Variants in PIK3CA observed in about 807,000 individuals in gnomAD.
PIK3CA encodes the protein phosphatidylinositol 4,5-bisphosphate 3-kinase catalytic subunit alpha isoform.
A neutral mutation model predicts 138.2 loss-of-function variants in PIK3CA; 27 were observed. That is an observed-to-expected ratio of 0.20 (90% CI 0.14 to 0.27). The LOEUF (loss-of-function observed/expected upper bound fraction) is 0.27, where lower values mean the gene tolerates loss of function less well. Among genes scored for constraint, PIK3CA ranks in the 10% least tolerant of loss-of-function variants. PIK3CA has a pLI of 1.00. For synonymous variants in PIK3CA, 358 were observed against 413.2 expected (o/e 0.87, Z 1.62); for missense variants, 544 against 1,277.4 (o/e 0.43, Z 8.75).
intron 1 of PIK3CA, among the ~76,000 whole-genome samples, chr3:179,157,114 A>G (rs1723157339): frequency 6.6e-6 from 1 of 152,186 alleles, no homozygotes; most frequent in African/African-American, 2.4e-5. Context: ...GAAACCATAC[A>G]TGACAGCAGG....
At chr3:179,193,075 TG>T (rs1218929382) in intron 1 of PIK3CA, among the ~76,000 whole-genome samples, 4 of 152,256 alleles carry the variant, frequency 2.6e-5, no homozygotes, top group African/African-American at 9.6e-5. Flanking sequence ...TTACTTCTGC[TG>T]GGTAGTACTG....
chr3:179,239,892 A>G lies in PIK3CA; in HGVS notation c.*5528A>G. 1 of 673,898 alleles carries G rather than the reference A, an allele frequency of 1.5e-6. No homozygotes were observed. 41.7% of individuals were successfully genotyped at this position (673,898 alleles called of 1,614,324 possible). ...GAAAGCATTTGACACAGCAAGATGC[A>G]TGTGTTACTATATTGAGAATATAGA... On this transcript the variant is annotated 3_prime_UTR_variant, in exon 21 of 21. Transcript: ENST00000263967.
At chr3:179,231,105 G>C (rs1317134811) in intron 20 of PIK3CA, among the ~76,000 whole-genome samples, 1 of 152,106 alleles carries the variant, frequency 6.6e-6, no homozygotes, top group Non-Finnish European at 1.5e-5. Context: ...CTGGCCTCCA[G>C]CTCCATCCCA....
intron 1 of PIK3CA, among the ~76,000 whole-genome samples, chr3:179,194,215 A>G (rs1724206498): frequency 1.3e-5 from 2 of 152,150 alleles, no homozygotes; most frequent in South Asian, 4.1e-4. Flanking sequence ...AATACTTCAG[A>G]GAATTTATTT....
chr3:179,224,317 C>T (rs1725034030), intron 15 of PIK3CA, 130 bp downstream of exon 15: 3 of 545,924 alleles, frequency 5.5e-6, no homozygotes, highest in Non-Finnish European at 6.5e-6. Flanking sequence ...CATTCTCCTA[C>T]CCTCAAAATA....
At chr3:179,161,356 A>C (rs1723275708) in intron 1 of PIK3CA, among the ~76,000 whole-genome samples, 1 of 152,198 alleles carries the variant, frequency 6.6e-6, no homozygotes, top group African/African-American at 2.4e-5. Context: ...AATTTCCTTT[A>C]GCACATCCAT....
In PIK3CA at chr3:179,148,412, GCTGGGA is replaced by G. The variant is rs1348322996; in HGVS notation, c.-262_-257del. On this transcript the variant is annotated 5_prime_UTR_variant, in exon 1 of 21. Coordinates refer to ENST00000263967, the MANE Select transcript of PIK3CA (RefSeq NM_006218.4). ...GTGTCGGGCTGCTGCTGCCGCGGCC[GCTGGGA>G]CTGGGGCTGGGGCCGCCGGCGAGGC... The G allele has an allele frequency of 6.6e-6, 1 of 151,144 alleles. No homozygotes were observed. Among genetic ancestry groups the G allele is most frequent in the Middle Eastern group, 3.2e-3 (1 of 314 alleles). The allele number at this position is 151,144 out of a possible 1,614,324, so 9.4% of individuals were successfully genotyped here.
intron 1 of PIK3CA, among the ~76,000 whole-genome samples, chr3:179,161,435 G>A (rs1176451696): frequency 2.0e-5 from 3 of 152,172 alleles, no homozygotes; most frequent in Admixed American, 6.5e-5. Flanking sequence ...GGTGGCTCAC[G>A]CCTGTAATTC....
intron 18 of PIK3CA, among the ~76,000 whole-genome samples, chr3:179,229,733 C>A (rs1440373094): frequency 6.6e-6 from 1 of 151,902 alleles, no homozygotes; most frequent in Non-Finnish European, 1.5e-5. Context: ...ATTTCTAATT[C>A]ATTGTTAAAA....
intron 6 of PIK3CA, among the ~76,000 whole-genome samples, chr3:179,206,881 TGCAGTCCAGTCTAGGGG>T (rs1469274301): frequency 6.8e-6 from 1 of 146,932 alleles, no homozygotes; most frequent in Non-Finnish European, 1.5e-5. Context: ...ATCGTACTAC[TGCAGTCCAGTCTAGGGG>T]GCAGAGTGAG....
intron 9 of PIK3CA, among the ~76,000 whole-genome samples, chr3:179,216,460 C>A (rs1724838952): frequency 1.3e-5 from 2 of 151,936 alleles, no homozygotes; most frequent in South Asian, 4.1e-4. Flanking sequence ...TCTAAATGGA[C>A]AAATGCCGAA....
intron 1 of PIK3CA, among the ~76,000 whole-genome samples, chr3:179,178,221 T>C (rs1723750244): frequency 7.5e-6 from 1 of 132,964 alleles, no homozygotes; most frequent in Non-Finnish European, 1.5e-5. Context: ...GCCACTGCAC[T>C]CCAGCCTGGG....
intron 1 of PIK3CA, among the ~76,000 whole-genome samples, chr3:179,156,322 C>T (rs1723138996): frequency 6.6e-6 from 1 of 152,080 alleles, no homozygotes; most frequent in South Asian, 2.1e-4. Flanking sequence ...TAAATGACTG[C>T]CAGACATTGA....
intron 9 of PIK3CA, among the ~76,000 whole-genome samples, chr3:179,211,894 C>T (rs1436523200): frequency 6.6e-6 from 1 of 152,134 alleles, no homozygotes; most frequent in East Asian, 1.9e-4. Flanking sequence ...AACGTCATGA[C>T]GTTACAAGCA....
chr3:179,229,965 A>C (rs201394916), intron 18 of PIK3CA, 39 bp from the exon 19 acceptor site: 4 of 1,372,380 alleles, frequency 2.9e-6, no homozygotes, highest in Non-Finnish European at 3.1e-6. Context: ...CTGAATCACT[A>C]TATTTCCATA....
At chr3:179,227,665 G>A (rs1725114748) in intron 17 of PIK3CA, among the ~76,000 whole-genome samples, 2 of 152,018 alleles carry the variant, frequency 1.3e-5, no homozygotes, top group Admixed American at 1.3e-4. Flanking sequence ...ATGAAAATAA[G>A]TATTGACCGT....
At chr3:179,180,214 G>T (rs958439156) in intron 1 of PIK3CA, among the ~76,000 whole-genome samples, 3 of 152,096 alleles carry the variant, frequency 2.0e-5, no homozygotes, top group Admixed American at 6.5e-5. Context: ...TGGATACTTT[G>T]TGCTTTCAGG....
chr3:179,174,192 C>T (rs1316940685), intron 1 of PIK3CA, among the ~76,000 whole-genome samples: 2 of 151,872 alleles, frequency 1.3e-5, no homozygotes, highest in Admixed American at 6.6e-5. Context: ...AACATCAGGC[C>T]GAGCATGGTG....
intron 1 of PIK3CA, among the ~76,000 whole-genome samples, chr3:179,156,696 T>C (rs1300321866): frequency 6.6e-6 from 1 of 152,246 alleles, no homozygotes; most frequent in African/African-American, 2.4e-5. Flanking sequence ...TTGAATATTT[T>C]TTAACCAGCA....
Sources: gnomAD v4.1 joint callset for allele counts (sites outside exome capture counted in the v4.1 genomes callset) on GRCh38, gnomAD v4.1.1 for gene constraint, MANE v1.5 for transcripts, NCBI Gene and HGNC (gene_info 2026-07-23, HGNC 2026-07-21) for gene names.